UBN1: variants seen among roughly 807,000 people sequenced by gnomAD.
The protein encoded by UBN1 is ubinuclein 1.
UBN1 carries 17 observed loss-of-function variants against 108.5 expected under a neutral mutation model. That is an observed-to-expected ratio of 0.16 (90% CI 0.11 to 0.24). The LOEUF (loss-of-function observed/expected upper bound fraction) is 0.24. UBN1 is among the 10% of genes least tolerant of loss of function. The pLI, the probability that UBN1 is intolerant of heterozygous loss-of-function variation, is 1.00. For missense variants in UBN1, 1,595 were observed against 1,394.4 expected (o/e 1.14, Z -2.29); for synonymous variants, 726 against 564.2 (o/e 1.29, Z -4.07).
At position 4,874,444 on chromosome 16, in the gene UBN1, G is replaced by A. The variant is rs772503004; in HGVS notation, c.2034G>A (p.Lys678=). ...CCTCCTCGGTGGAAGCCGTGTCCAA[G>A]GAATTGGCTGCATTGAATAGCAGAG... ...NPASSVEAVS[K]ELAALNSRAA... is the part of the protein sequence containing the mutation. Residue 678 remains lysine, a synonymous_variant, in exon 15 of 18, where the codon AAG becomes AAA. Transcript: ENST00000262376. 10 of 1,613,556 alleles carry A rather than the reference G, an allele frequency of 6.2e-6. No homozygotes were observed. In the Admixed American group the frequency reaches 1.3e-4, roughly 22 times the overall value.
chr16:4,867,756 A>G (rs2087407311), intron 7 of UBN1, among the ~76,000 whole-genome samples: 1 of 151,900 alleles, frequency 6.6e-6, no homozygotes, highest in Non-Finnish European at 1.5e-5. Context: ...CAGTGAGAGG[A>G]AGGTGAGTGG....
chr16:4,860,552 C>T lies in UBN1; in HGVS notation c.672-112C>T, dbSNP rs548991555. ...GAGGGAGGAGGAATGACAGGGTGGA[C>T]TGTGACAGGTTCTCCTGGAGACCAT... On this transcript the variant is annotated intron_variant, in intron 6 of 17. Transcript: ENST00000262376. 1.5e-5 allele frequency: 16 copies of T among 1,101,778 alleles called. No homozygotes were observed. In the South Asian group the frequency reaches 2.3e-4, roughly 16 times the overall value. 68.3% of individuals were successfully genotyped at this position (1,101,778 alleles called of 1,614,324 possible).
chr16:4,849,261 A>C (rs2086403342), intron 1 of UBN1, among the ~76,000 whole-genome samples: 1 of 152,242 alleles, frequency 6.6e-6, no homozygotes, highest in South Asian at 2.1e-4. Context: ...GCAGTAAGAC[A>C]GGAAACAAAA....
chr16:4,857,199 A>AT (rs1377787883), intron 2 of UBN1, among the ~76,000 whole-genome samples: 1 of 151,656 alleles, frequency 6.6e-6, no homozygotes, highest in African/African-American at 2.4e-5. Flanking sequence ...AAAAAAAAAA[A>AT]TTTAGCTAGG....
At chr16:4,862,801 G>A (rs918183292) in intron 7 of UBN1, among the ~76,000 whole-genome samples, 2 of 152,232 alleles carry the variant, frequency 1.3e-5, no homozygotes, top group African/African-American at 2.4e-5. Context: ...GGGCTGTGGT[G>A]CAAGAAAGCG....
intron 2 of UBN1, among the ~76,000 whole-genome samples, chr16:4,855,083 G>T (rs566470696): frequency 6.6e-6 from 1 of 152,268 alleles, no homozygotes; most frequent in South Asian, 2.1e-4. Context: ...CTGAGGAAAA[G>T]GTAAGTGGGC....
chr16:4,858,322 T>A (rs1379792383), intron 3 of UBN1, among the ~76,000 whole-genome samples: 1 of 152,090 alleles, frequency 6.6e-6, no homozygotes, highest in East Asian at 1.9e-4. Flanking sequence ...GAAGAAATAT[T>A]TTGGTACAAA....
chr16:4,864,004 G>A (rs1026590557), intron 7 of UBN1, among the ~76,000 whole-genome samples: 9 of 152,176 alleles, frequency 5.9e-5, no homozygotes, highest in Admixed American at 2.0e-4. Flanking sequence ...TAGGGAGCTA[G>A]GGTGCACCTC....
intron 15 of UBN1, among the ~76,000 whole-genome samples, chr16:4,876,610 CT>C (rs1477463607): frequency 6.6e-6 from 1 of 152,030 alleles, no homozygotes; most frequent in African/African-American, 2.4e-5. Flanking sequence ...TCACTGCAAC[CT>C]CTGTAGGAGA....
chr16:4,850,511 T>G (rs2086507715), intron 1 of UBN1, among the ~76,000 whole-genome samples: 1 of 152,214 alleles, frequency 6.6e-6, no homozygotes, highest in Admixed American at 6.5e-5. Flanking sequence ...CAGCTGGGAT[T>G]TATTTCCACA....
chr16:4,858,228 A>G, intron 3 of UBN1, 152 bp downstream of exon 3: 3 of 685,616 alleles, frequency 4.4e-6, no homozygotes, highest in African/African-American at 1.8e-5. Flanking sequence ...AACCTAACGC[A>G]TTAAGGTACA....
At chr16:4,859,255 G>T (rs2086944596) in intron 5 of UBN1, 96 bp downstream of exon 5, 2 of 1,508,704 alleles carry the variant, frequency 1.3e-6, no homozygotes, top group Non-Finnish European at 1.8e-6. Context: ...CGCTTGGCCG[G>T]CTCAGGAGGA....
At position 4,861,126 on chromosome 16, in the gene UBN1, G is replaced by C. The variant is rs371983466; in HGVS notation, c.1110+24G>C. On this transcript the variant is annotated intron_variant, in intron 7 of 17. Transcript: ENST00000262376. ...AGGTATGGTGGCACAGTGCGGCTGG[G>C]CTTTCCTGGAAGCAGTTTGGGCAGA... 15 of 1,593,258 alleles carry C rather than the reference G, an allele frequency of 9.4e-6. No individual in the cohort carries two copies. The South Asian group carries it at 1.5e-4, about 16-fold the overall frequency.
At chr16:4,848,681 G>A (rs1220432004) in intron 1 of UBN1, among the ~76,000 whole-genome samples, 4 of 152,198 alleles carry the variant, frequency 2.6e-5, no homozygotes, top group Non-Finnish European at 5.9e-5. Flanking sequence ...GTATTTTTAA[G>A]ACAAAGTGAT....
At chr16:4,853,217 G>A in intron 2 of UBN1, 51 bp downstream of exon 2, 1 of 1,592,402 alleles carries the variant, frequency 6.3e-7, no homozygotes, top group Non-Finnish European at 8.5e-7. Context: ...ACAGGGGTCA[G>A]TGCATGCATG....
At chr16:4,853,198 G>T in intron 2 of UBN1, 32 bp downstream of exon 2, 1 of 1,610,710 alleles carries the variant, frequency 6.2e-7, no homozygotes. Context: ...GGCGCTGCAG[G>T]TTTAACGCAC....
chr16:4,874,071 C>A, intron 14 of UBN1, 140 bp from the exon 15 acceptor site: 1 of 1,081,822 alleles, frequency 9.2e-7, no homozygotes. Flanking sequence ...ACAGCTCCTG[C>A]TCTGTCCCAC....
At chr16:4,870,093 C>T (rs2087547245) in intron 8 of UBN1, 119 bp from the exon 9 acceptor site, 3 of 1,460,004 alleles carry the variant, frequency 2.1e-6, no homozygotes, top group East Asian at 2.3e-5. Flanking sequence ...CATTGTGTGA[C>T]CAACAAGACA....
intron 14 of UBN1, 123 bp from the exon 15 acceptor site, chr16:4,874,083 ACTTGT>A: frequency 8.4e-7 from 1 of 1,189,084 alleles, no homozygotes; most frequent in Non-Finnish European, 1.2e-6. Flanking sequence ...CTGTCCCACC[ACTTGT>A]CTTGTAATTA....
Sources: gnomAD v4.1 joint callset for allele counts (sites outside exome capture counted in the v4.1 genomes callset) on GRCh38, gnomAD v4.1.1 for gene constraint, MANE v1.5 for transcripts, NCBI Gene and HGNC (gene_info 2026-07-23, HGNC 2026-07-21) for gene names.